Variants in TNRC6A observed in about 807,000 individuals in gnomAD.
TNRC6A encodes the protein trinucleotide repeat containing adaptor 6A.
A neutral mutation model predicts 221.2 loss-of-function variants in TNRC6A; 44 were observed. The ratio of observed to expected loss-of-function variants is 0.20; its 90% confidence interval spans 0.16 to 0.26. TNRC6A has a LOEUF of 0.26. TNRC6A is among the 10% of genes least tolerant of loss of function. The probability of loss-of-function intolerance (pLI) is 1.00; values close to 1 mark genes in which losing one functional copy is unlikely to be tolerated. For missense variants in TNRC6A, 2,199 were observed against 2,404.4 expected, an observed-to-expected ratio of 0.91 and a Z score of 1.79; for synonymous variants, 847 against 838.5, an observed-to-expected ratio of 1.01 and a Z score of -0.18.
intron 2 of TNRC6A, among the ~76,000 whole-genome samples, chr16:24,724,650 G>A (rs762208832): frequency 6.6e-6 from 1 of 152,054 alleles, no homozygotes; most frequent in Non-Finnish European, 1.5e-5. Context: ...AGGCTGAGGT[G>A]GGAGGATCAC....
In TNRC6A at chr16:24,816,968, G is replaced by T. The variant is rs750806974; in HGVS notation, c.4972+12G>T. 54 of 1,607,208 alleles carry T rather than the reference G, an allele frequency of 3.4e-5. No individual in the cohort carries two copies. The highest frequency in any genetic ancestry group is 4.4e-5 in the Non-Finnish European group (52 of 1,177,356). On this transcript the variant is annotated intron_variant, in intron 20 of 24. Coordinates refer to ENST00000395799, the MANE Select transcript of TNRC6A (RefSeq NM_014494.4). ...GGACAGGAACAGTGGTACGTAGGGG[G>T]TGCAAATCAATTTCTGAGTGACACT...
At chr16:24,806,369 C>G in intron 16 of TNRC6A, 86 bp downstream of exon 16, 1 of 1,527,910 alleles carries the variant, frequency 6.5e-7, no homozygotes, top group Non-Finnish European at 8.9e-7. Flanking sequence ...TCAGAAATGT[C>G]TTTCTTAAAA....
intron 5 of TNRC6A, among the ~76,000 whole-genome samples, 163 bp from the exon 6 acceptor site, chr16:24,789,069 A>G (rs1284761442): frequency 2.0e-5 from 3 of 152,246 alleles, no homozygotes; most frequent in Admixed American, 1.3e-4. Context: ...GTTGGTGGCT[A>G]GAAGATAACC....
intron 1 of TNRC6A, among the ~76,000 whole-genome samples, chr16:24,616,109 C>T (rs1219911693): frequency 6.6e-6 from 1 of 151,818 alleles, no homozygotes; most frequent in Non-Finnish European, 1.5e-5. Context: ...GGAGGATTAC[C>T]TGAGCCCAGG....
At chr16:24,659,451 T>C (rs2054983624) in intron 2 of TNRC6A, among the ~76,000 whole-genome samples, 1 of 152,190 alleles carries the variant, frequency 6.6e-6, no homozygotes, top group Non-Finnish European at 1.5e-5. Context: ...GGTAGAATTT[T>C]CCCCTTCCAA....
intron 1 of TNRC6A, among the ~76,000 whole-genome samples, chr16:24,634,945 C>G (rs528901543): frequency 4.6e-5 from 7 of 152,238 alleles, no homozygotes; most frequent in Admixed American, 1.3e-4. Context: ...TCTCCATACA[C>G]TTTTTTCTTT....
intron 2 of TNRC6A, among the ~76,000 whole-genome samples, chr16:24,675,690 CTCTCTCTCTCTCTA>C (rs1444710335): frequency 1.7e-4 from 15 of 87,076 alleles, no homozygotes; most frequent in African/African-American, 5.4e-4. Context: ...CTCTCTCTCT[CTCTCTCTCTCTCTA>C]TATATATATA....
intron 2 of TNRC6A, among the ~76,000 whole-genome samples, chr16:24,660,598 A>G (rs925597582): frequency 2.0e-5 from 3 of 151,982 alleles, no homozygotes; most frequent in Admixed American, 2.0e-4. Flanking sequence ...CTCACATTGA[A>G]GCTTTAGCCT....
intron 2 of TNRC6A, among the ~76,000 whole-genome samples, chr16:24,693,529 A>C (rs192890151): frequency 6.6e-6 from 1 of 152,160 alleles, no homozygotes; most frequent in Non-Finnish European, 1.5e-5. Flanking sequence ...CAGAGGTTGC[A>C]GTGAGCCGAG....
intron 18 of TNRC6A, among the ~76,000 whole-genome samples, chr16:24,811,358 TC>T (rs2058540490): frequency 6.6e-6 from 1 of 152,196 alleles, no homozygotes; most frequent in Admixed American, 6.5e-5. Context: ...TTCTGTGACT[TC>T]CAGGCAGTTT....
chr16:24,722,411 C>CTATT (rs869042971), intron 2 of TNRC6A, among the ~76,000 whole-genome samples: 220 of 102,544 alleles, frequency 2.1e-3, no homozygotes, highest in South Asian at 4.6e-3. Flanking sequence ...AAGACCCCAA[C>CTATT]TATTTATTTA....
chr16:24,664,949 A>T (rs978998487), intron 2 of TNRC6A: 15 of 456,320 alleles, frequency 3.3e-5, no homozygotes, highest in Admixed American at 3.1e-4. Flanking sequence ...GTAAGGCACG[A>T]GGCTCCACAG....
At chr16:24,623,939 A>G (rs1448443174) in intron 1 of TNRC6A, among the ~76,000 whole-genome samples, 1 of 149,942 alleles carries the variant, frequency 6.7e-6, no homozygotes, top group Non-Finnish European at 1.5e-5. Flanking sequence ...AAGAATTTCA[A>G]GAGGATGGCA....
At chr16:24,716,387 G>C (rs913599492) in intron 2 of TNRC6A, among the ~76,000 whole-genome samples, 4 of 152,150 alleles carry the variant, frequency 2.6e-5, no homozygotes, top group African/African-American at 9.7e-5. Context: ...ATAATGAATG[G>C]GCTGGGTGCA....
At position 24,675,937 on chromosome 16, in the gene TNRC6A, T is replaced by G. The variant is rs1244416145; in HGVS notation, n.402+34928T>G. Among the ~76,000 whole-genome samples, 3 of 151,500 alleles carry G rather than the reference T, an allele frequency of 2.0e-5. No individual in the cohort carries two copies. The East Asian group carries it at 5.8e-4, about 29-fold the overall frequency. The stretch of plus-strand genomic sequence containing the variant: ...ATGTCCCACCCTTGGTTTTTCTTCC[T>G]ACTCTTTTCCCACTTGTCCCAAGCA... On this transcript the variant is annotated intron_variant and non_coding_transcript_variant, in intron 2 of 2. Coordinates refer to the TNRC6A transcript ENST00000566108.
rs67546745 is a variant in TNRC6A at position 24,623,901 on chromosome 16, CAAAAAAA to C, written n.276+13440_276+13446del. Among the ~76,000 whole-genome samples the C allele has an allele frequency of 2.8e-3, 157 of 55,192 alleles. 2 individuals carry two copies. The East Asian group carries it at 0.066, about 23-fold the overall frequency. The allele number at this position is 55,192 out of a possible 152,430, so 36.2% of individuals were successfully genotyped here. A position where few individuals can be genotyped will look rare whatever the true frequency, so the allele number is the denominator to read the frequency against. ...TGGGTAAAGGAGCAAGACCCTGTCT[CAAAAAAA>C]AAAAAAAAAAAAAAAAAAAAAAGAA... On this transcript the variant is annotated intron_variant and non_coding_transcript_variant, in intron 1 of 2. Coordinates refer to the TNRC6A transcript ENST00000566108.
chr16:24,809,252 A>C (rs2058495231), intron 17 of TNRC6A, 98 bp from the exon 18 acceptor site: 1 of 1,119,938 alleles, frequency 8.9e-7, no homozygotes, highest in Non-Finnish European at 1.2e-6. Flanking sequence ...TGGTTTGAAA[A>C]CATTAGTTAC....
Position 24,739,736 on chromosome 16 carries a change from C to T in TNRC6A, c.53+9436C>T, listed in dbSNP as rs151089624. 3.8e-3 allele frequency among the ~76,000 whole-genome samples: 583 copies of T among 152,262 alleles called. 3 individuals are homozygous for T. In the Middle Eastern group the frequency reaches 0.044, roughly 12 times the overall value. On this transcript the variant is annotated intron_variant, in intron 2 of 24. Transcript: ENST00000395799. Reference sequence around the variant, plus strand: ...TCAAATGATCCACCCGCCTCTGCCTCCCAAAGTGCTAGGATTACAGGCATG... The same window carrying T: ...TCAAATGATCCACCCGCCTCTGCCTTCCAAAGTGCTAGGATTACAGGCATG...
In TNRC6A at chr16:24,692,525, G is replaced by A. The variant is rs562338645; in HGVS notation, n.402+51516G>A. 3.9e-5 allele frequency among the ~76,000 whole-genome samples: 6 copies of A among 152,056 alleles called. 1 individual carries two copies. The South Asian group carries it at 6.2e-4, about 16-fold the overall frequency. On this transcript the variant is annotated intron_variant and non_coding_transcript_variant, in intron 2 of 2. Coordinates refer to the TNRC6A transcript ENST00000566108. ...ATGGAGGTTGCAGTGAGCTGAGATC[G>A]CACCACTGCACTCCAGCCTGGGCGA...
Sources: allele counts gnomAD v4.1 joint callset (sites outside exome capture counted in the v4.1 genomes callset), GRCh38; gene constraint gnomAD v4.1.1; transcripts MANE v1.5; gene names NCBI Gene and HGNC (gene_info 2026-07-23, HGNC 2026-07-21).